PCCA: variants seen among roughly 807,000 people sequenced by gnomAD.
The protein encoded by PCCA is propionyl-CoA carboxylase subunit alpha.
In PCCA, 74 loss-of-function variants were observed where a neutral mutation model predicts 101.3. The ratio of observed to expected loss-of-function variants is 0.73; its 90% CI spans 0.61 to 0.89. PCCA has a LOEUF of 0.89. PCCA is among the 40% of genes least tolerant of loss of function. The pLI is 0.00. For missense variants in PCCA, 891 were observed against 907.0 expected (o/e 0.98, Z 0.23); for synonymous variants, 294 against 313.6 (o/e 0.94, Z 0.66).
intron 20 of PCCA, among the ~76,000 whole-genome samples, chr13:100,435,521 A>G (rs2079865535): frequency 6.6e-6 from 1 of 152,206 alleles, no homozygotes; most frequent in South Asian, 2.1e-4. Context: ...ATCCAGTCCG[A>G]TCACGTGTAT....
chr13:100,253,725 C>T (rs1432127424), intron 8 of PCCA, among the ~76,000 whole-genome samples: 1 of 152,012 alleles, frequency 6.6e-6, no homozygotes, highest in Non-Finnish European at 1.5e-5. Flanking sequence ...GAGACTGTCT[C>T]TGTGTTGGAG....
intron 13 of PCCA, 125 bp downstream of exon 13, chr13:100,301,728 A>G (rs1038230162): frequency 9.0e-7 from 1 of 1,113,686 alleles, no homozygotes; most frequent in Non-Finnish European, 1.4e-6. Flanking sequence ...TACGTAATCC[A>G]TAATTAAATC....
intron 18 of PCCA, among the ~76,000 whole-genome samples, chr13:100,344,929 C>T (rs1485294470): frequency 6.6e-6 from 1 of 152,128 alleles, no homozygotes; most frequent in Non-Finnish European, 1.5e-5. Context: ...GGATTAGTGA[C>T]CTTTGATGTT....
intron 21 of PCCA, among the ~76,000 whole-genome samples, chr13:100,460,678 G>C (rs961818018): frequency 1.3e-5 from 2 of 152,090 alleles, no homozygotes; most frequent in Admixed American, 1.3e-4. Flanking sequence ...AATATTAGTA[G>C]AATAAACATG....
At chr13:100,331,561 A>G (rs182831472) in intron 17 of PCCA, among the ~76,000 whole-genome samples, 1 of 152,316 alleles carries the variant, frequency 6.6e-6, no homozygotes, top group East Asian at 1.9e-4. Context: ...GAGTTTTCAT[A>G]AGACTCAACA....
At chr13:100,441,347 G>A (rs913372246) in intron 20 of PCCA, among the ~76,000 whole-genome samples, 2 of 152,132 alleles carry the variant, frequency 1.3e-5, no homozygotes, top group Non-Finnish European at 2.9e-5. Context: ...TCAGTGAGGG[G>A]AAAAAGAAAA....
chr13:100,282,515 G>A (rs1300207590), intron 12 of PCCA, among the ~76,000 whole-genome samples: 1 of 152,222 alleles, frequency 6.6e-6, no homozygotes, highest in Non-Finnish European at 1.5e-5. Flanking sequence ...AGGTGGGCGT[G>A]GGCTTGGCGG....
intron 7 of PCCA, among the ~76,000 whole-genome samples, chr13:100,218,587 A>G (rs767657641): frequency 3.3e-5 from 5 of 151,978 alleles, no homozygotes; most frequent in Non-Finnish European, 5.9e-5. Flanking sequence ...AGGCATCCAA[A>G]CCTTTATGTA....
At position 100,154,798 on chromosome 13, in the gene PCCA, T is replaced by C. The variant is rs577888306; in HGVS notation, c.301-181T>C. The C allele has an allele frequency of 1.0e-5, 6 of 600,710 alleles. No individual in the cohort carries two copies. The East Asian group carries it at 1.7e-4, about 17-fold the overall frequency. The allele number at this position is 600,710 out of a possible 1,614,324, so 37.2% of individuals were successfully genotyped here. On this transcript the variant is annotated intron_variant, in intron 4 of 23. Coordinates refer to ENST00000376285, the MANE Select transcript of PCCA (RefSeq NM_000282.4). Reference sequence around the variant, plus strand: ...AATTAGGCTGTAATAAATGAAATCATGGTTAATAGAGTTCCTGAGTTTATT... The same window carrying C: ...AATTAGGCTGTAATAAATGAAATCACGGTTAATAGAGTTCCTGAGTTTATT...
At chr13:100,210,648 A>G (rs780430707) in intron 7 of PCCA, among the ~76,000 whole-genome samples, 3 of 152,238 alleles carry the variant, frequency 2.0e-5, no homozygotes, top group Non-Finnish European at 4.4e-5. Context: ...TCCTTTTCCC[A>G]TGAGAAATTA....
At chr13:100,422,062 CTCTT>C (rs1442772602) in intron 19 of PCCA, among the ~76,000 whole-genome samples, 1,496 of 56,184 alleles carry the variant, frequency 0.027, 14 homozygotes, top group South Asian at 0.079. Context: ...CTTTTCTCTT[CTCTT>C]TTCTTTTCTT....
intron 16 of PCCA, among the ~76,000 whole-genome samples, chr13:100,319,628 C>G (rs2067782409): frequency 1.3e-5 from 2 of 152,102 alleles, no homozygotes; most frequent in African/African-American, 4.8e-5. Context: ...TCAGGTTTGT[C>G]AAAGATCAGA....
At chr13:100,515,678 G>A (rs1057077851) in intron 22 of PCCA, 111 bp downstream of exon 22, 9 of 1,348,152 alleles carry the variant, frequency 6.7e-6, no homozygotes, top group South Asian at 4.7e-5. Context: ...TTACTTAACC[G>A]ACGCCCCCTA....
At chr13:100,515,325 T>C (rs1178025510) in intron 21 of PCCA, 102 bp from the exon 22 acceptor site, 8 of 1,008,360 alleles carry the variant, frequency 7.9e-6, no homozygotes, top group Non-Finnish European at 1.1e-5. Flanking sequence ...GCTCTTACTG[T>C]AATTTGAATT....
chr13:100,261,905 T>A (rs1392174040), intron 9 of PCCA, among the ~76,000 whole-genome samples: 1 of 152,192 alleles, frequency 6.6e-6, no homozygotes, highest in Non-Finnish European at 1.5e-5. Flanking sequence ...TCCTGTTGGA[T>A]GTTCAATCTC....
At chr13:100,297,681 C>T (rs755408292) in intron 12 of PCCA, among the ~76,000 whole-genome samples, 3 of 152,044 alleles carry the variant, frequency 2.0e-5, no homozygotes, top group African/African-American at 4.8e-5. Context: ...AAAAGCTAGC[C>T]GATTGTTACC....
intron 4 of PCCA, among the ~76,000 whole-genome samples, chr13:100,115,175 A>G (rs1201796098): frequency 1.3e-5 from 2 of 152,210 alleles, no homozygotes; most frequent in African/African-American, 4.8e-5. Flanking sequence ...AGGCACAGAA[A>G]GACAAGTTTT....
chr13:100,321,507 T>A (rs934057329), intron 16 of PCCA, among the ~76,000 whole-genome samples: 2 of 152,022 alleles, frequency 1.3e-5, no homozygotes, highest in African/African-American at 2.4e-5. Flanking sequence ...AACATAGTTA[T>A]TATGTATGGG....
chr13:100,159,486 G>C (rs1292875771), intron 6 of PCCA, among the ~76,000 whole-genome samples: 2 of 152,124 alleles, frequency 1.3e-5, no homozygotes, highest in African/African-American at 2.4e-5. Flanking sequence ...TGCAGTCCAT[G>C]GGTGCTATGA....
Sources: allele counts gnomAD v4.1 joint callset (sites outside exome capture counted in the v4.1 genomes callset), GRCh38; gene constraint gnomAD v4.1.1; transcripts MANE v1.5; gene names NCBI Gene and HGNC (gene_info 2026-07-23, HGNC 2026-07-21).